CRADD: variants seen among roughly 807,000 people sequenced by gnomAD.
CRADD encodes CARD and death domain containing adaptor protein, also known as death domain-containing protein CRADD.
A neutral mutation model predicts 15.5 loss-of-function variants in CRADD; 9 were observed. The ratio of observed to expected loss-of-function variants is 0.58; its 90% CI spans 0.35 to 1.01. CRADD has a LOEUF of 1.01. Ranked by LOEUF, CRADD falls within the 50% of genes least tolerant of loss-of-function variation. CRADD has a pLI of 0.02. For synonymous variants in CRADD, 118 were observed against 107.6 expected (o/e 1.10, Z -0.60); for missense variants, 227 against 250.3 (o/e 0.91, Z 0.63).
chr12:93,848,252 T>C (rs1017809946), intron 2 of CRADD, among the ~76,000 whole-genome samples: 7 of 152,198 alleles, frequency 4.6e-5, no homozygotes, highest in Non-Finnish European at 1.0e-4. Context: ...AATTGCGTCA[T>C]AGTCATTGTT....
At chr12:93,693,566 A>C (rs548190310) in intron 2 of CRADD, among the ~76,000 whole-genome samples, 12 of 152,186 alleles carry the variant, frequency 7.9e-5, no homozygotes, top group African/African-American at 2.9e-4. Flanking sequence ...ATATATATGC[A>C]CCAATCACTG....
At chr12:93,862,692 A>C (rs1958327702) in intron 2 of CRADD, among the ~76,000 whole-genome samples, 1 of 152,226 alleles carries the variant, frequency 6.6e-6, no homozygotes, top group Non-Finnish European at 1.5e-5. Context: ...AAGAAATCTC[A>C]ACACTTTTAA....
chr12:93,706,977 A>G (rs1020763890), intron 2 of CRADD, among the ~76,000 whole-genome samples: 16 of 152,222 alleles, frequency 1.1e-4, no homozygotes, highest in Non-Finnish European at 1.5e-5. Context: ...TGTGACCTCT[A>G]CAATCCAAAT....
chr12:93,835,601 T>C (rs1167849037), intron 2 of CRADD, among the ~76,000 whole-genome samples: 1 of 152,184 alleles, frequency 6.6e-6, no homozygotes, highest in Non-Finnish European at 1.5e-5. Context: ...CTCCTCTATG[T>C]CTATCATTTT....
At chr12:93,689,251 C>T (rs972202510) in intron 2 of CRADD, among the ~76,000 whole-genome samples, 1 of 152,178 alleles carries the variant, frequency 6.6e-6, no homozygotes, top group Non-Finnish European at 1.5e-5. Context: ...GGTGGTGCAG[C>T]TTCAGAGTTT....
chr12:93,719,643 T>C (rs1027616604), intron 2 of CRADD, among the ~76,000 whole-genome samples: 1 of 152,158 alleles, frequency 6.6e-6, no homozygotes, highest in Non-Finnish European at 1.5e-5. Context: ...CCAACTTAGA[T>C]TGTTTATTTT....
At chr12:93,810,658 A>G (rs747722649) in intron 2 of CRADD, among the ~76,000 whole-genome samples, 101 of 150,726 alleles carry the variant, frequency 6.7e-4, no homozygotes, top group Middle Eastern at 3.2e-3. Flanking sequence ...ATGACATGGT[A>G]AATATTACTC....
At chr12:93,873,654 A>G (rs1304858778) in intron 2 of CRADD, among the ~76,000 whole-genome samples, 1 of 152,176 alleles carries the variant, frequency 6.6e-6, no homozygotes, top group Non-Finnish European at 1.5e-5. Flanking sequence ...CTTTTTCAGC[A>G]TCAATTGAAA....
chr12:93,811,664 C>T (rs560760922), intron 2 of CRADD, among the ~76,000 whole-genome samples: 41 of 152,284 alleles, frequency 2.7e-4, no homozygotes, highest in African/African-American at 8.2e-4. Flanking sequence ...TACATTGAAA[C>T]GCTGCTAAAA....
intron 2 of CRADD, among the ~76,000 whole-genome samples, chr12:93,849,630 A>C (rs1456345190): frequency 6.6e-6 from 1 of 151,920 alleles, no homozygotes; most frequent in African/African-American, 2.4e-5. Flanking sequence ...AATCCCAGCT[A>C]CTTGGGAGGC....
chr12:93,884,329 T>C (rs1277421868), intron 2 of CRADD, among the ~76,000 whole-genome samples: 1 of 152,190 alleles, frequency 6.6e-6, no homozygotes, highest in Non-Finnish European at 1.5e-5. Flanking sequence ...GGGATCTTAG[T>C]ACCTTCTAGA....
intron 2 of CRADD, among the ~76,000 whole-genome samples, chr12:93,829,846 C>T (rs891192716): frequency 2.0e-5 from 3 of 152,126 alleles, no homozygotes; most frequent in Non-Finnish European, 4.4e-5. Context: ...GTGCCCGCCA[C>T]CACACCTGGC....
chr12:93,821,506 C>T (rs984693497), intron 2 of CRADD, among the ~76,000 whole-genome samples: 2 of 152,192 alleles, frequency 1.3e-5, no homozygotes, highest in African/African-American at 4.8e-5. Context: ...TAAAAAGAAA[C>T]ACACCATGTA....
chr12:93,763,158 G>T (rs527776235), intron 2 of CRADD, among the ~76,000 whole-genome samples: 3 of 152,240 alleles, frequency 2.0e-5, no homozygotes, highest in Non-Finnish European at 4.4e-5. Flanking sequence ...AAGTTAGCCT[G>T]TTGTAGGCCA....
At chr12:93,772,395 G>T (rs888535326) in intron 2 of CRADD, among the ~76,000 whole-genome samples, 14 of 152,298 alleles carry the variant, frequency 9.2e-5, no homozygotes, top group Middle Eastern at 3.4e-3. Flanking sequence ...CATTGCAAAG[G>T]ATTGCTTATT....
At chr12:93,865,486 G>T (rs558250881) in intron 2 of CRADD, among the ~76,000 whole-genome samples, 2 of 146,824 alleles carry the variant, frequency 1.4e-5, no homozygotes, top group Non-Finnish European at 2.9e-5. Flanking sequence ...GGAGTGATCT[G>T]GGGGTCACTG....
At chr12:93,707,124 G>A (rs1163002946) in intron 2 of CRADD, among the ~76,000 whole-genome samples, 1 of 152,112 alleles carries the variant, frequency 6.6e-6, no homozygotes, top group African/African-American at 2.4e-5. Flanking sequence ...CAAATCTCTG[G>A]GCAAAGCAGT....
chr12:93,864,446 G>C (rs1160703618), intron 2 of CRADD, among the ~76,000 whole-genome samples: 1 of 152,172 alleles, frequency 6.6e-6, no homozygotes, highest in East Asian at 1.9e-4. Context: ...AGACTCCTTA[G>C]CATGAGCCAT....
chr12:93,690,587 A>T (rs1955541044), intron 2 of CRADD, among the ~76,000 whole-genome samples: 1 of 152,240 alleles, frequency 6.6e-6, no homozygotes, highest in South Asian at 2.1e-4. Flanking sequence ...AGGGCTTTAG[A>T]TATATAAACT....
Sources: gnomAD v4.1 joint callset for allele counts (sites outside exome capture counted in the v4.1 genomes callset) on GRCh38, gnomAD v4.1.1 for gene constraint, MANE v1.5 for transcripts, NCBI Gene and HGNC (gene_info 2026-07-23, HGNC 2026-07-21) for gene names.